The following PPME1 variants were observed in gnomAD, a reference collection of about 807,000 sequenced individuals.
PPME1 encodes the protein testicular secretory protein Li 39.
PPME1 carries 17 observed loss-of-function variants against 56.9 expected under a neutral mutation model. That is an observed-to-expected ratio of 0.30 (90% confidence interval 0.20 to 0.45). PPME1 has a LOEUF of 0.45. Among genes scored for constraint, PPME1 ranks in the 20% least tolerant of loss-of-function variants. PPME1 has a pLI of 1.00. For synonymous variants in PPME1, 122 were observed against 156.2 expected (o/e 0.78, Z 1.63); for missense variants, 357 against 483.2 (o/e 0.74, Z 2.45).
In PPME1 at chr11:74,230,886, G is replaced by T; in HGVS notation, c.554-26G>T. On this transcript the variant is annotated intron_variant, in intron 6 of 13. Transcript: ENST00000328257. The surrounding 1 kb of genome is among the most constrained non-coding windows in gnomAD (Gnocchi z 4.9). Reference sequence around the variant, plus strand: ...AATGCTCAGAATAAGTTAAATATGTGGTTACAGTTTTTGTTTAACATCCAG... The same window carrying T: ...AATGCTCAGAATAAGTTAAATATGTTGTTACAGTTTTTGTTTAACATCCAG... The T allele has an allele frequency of 6.6e-7, 1 of 1,512,208 alleles. No individual in the cohort carries two copies. The highest frequency in any genetic ancestry group is 9.1e-7 in the Non-Finnish European group (1 of 1,102,076). The allele number at this position is 1,512,208 out of a possible 1,614,324, so 93.7% of individuals were successfully genotyped here.
At chr11:74,188,715 A>G (rs1050489388) in intron 1 of PPME1, among the ~76,000 whole-genome samples, 34 of 152,256 alleles carry the variant, frequency 2.2e-4, no homozygotes, top group Non-Finnish European at 2.9e-5. Context: ...ACCATTAAAA[A>G]TAACCAACAA....
intron 9 of PPME1, among the ~76,000 whole-genome samples, chr11:74,241,744 A>T: frequency 6.6e-6 from 1 of 152,122 alleles, no homozygotes; most frequent in East Asian, 1.9e-4. Flanking sequence ...ATGACTGCTG[A>T]TATTGAGTTT....
chr11:74,175,724 T>C (rs916916559), intron 1 of PPME1, among the ~76,000 whole-genome samples: 3 of 152,166 alleles, frequency 2.0e-5, no homozygotes, highest in Non-Finnish European at 4.4e-5. Context: ...TGCCCAGCTC[T>C]GTAGTGATTT....
intron 2 of PPME1, among the ~76,000 whole-genome samples, chr11:74,204,147 T>TG (rs5792648): frequency 2.6e-4 from 29 of 112,324 alleles, no homozygotes; most frequent in African/African-American, 2.1e-3. Context: ...GCAAAGGGAA[T>TG]TTTTTTTTTT....
chr11:74,248,517 G>C (rs1224466972), intron 11 of PPME1: 1 of 152,144 alleles, frequency 6.6e-6, no homozygotes, highest in African/African-American at 2.4e-5. Flanking sequence ...ATAAAACTCT[G>C]GTCCCAGACC....
intron 3 of PPME1, among the ~76,000 whole-genome samples, chr11:74,217,876 G>C (rs1362479650): frequency 6.6e-6 from 1 of 152,104 alleles, no homozygotes; most frequent in African/African-American, 2.4e-5. Context: ...TCTGGAAAAT[G>C]GCAAGGATAC....
At chr11:74,232,953 G>A (rs1024378607) in intron 7 of PPME1, among the ~76,000 whole-genome samples, 11 of 139,896 alleles carry the variant, frequency 7.9e-5, no homozygotes, top group East Asian at 4.2e-4. Flanking sequence ...CTGCCTGCCC[G>A]CCTCGGCCTC....
At chr11:74,211,968 G>A (rs1858488707) in intron 3 of PPME1, among the ~76,000 whole-genome samples, 1 of 152,158 alleles carries the variant, frequency 6.6e-6, no homozygotes, top group Non-Finnish European at 1.5e-5. Context: ...GCCTCCACTT[G>A]TCGTCCTCCC....
At chr11:74,247,752 G>A (rs1230439173) in intron 11 of PPME1, 1 of 152,504 alleles carries the variant, frequency 6.6e-6, no homozygotes, top group Non-Finnish European at 1.5e-5. Flanking sequence ...CTCCCAGAGT[G>A]CGAAGATTAT....
intron 3 of PPME1, 23 bp downstream of exon 3, chr11:74,204,468 A>G: frequency 6.4e-7 from 1 of 1,566,856 alleles, no homozygotes; most frequent in Non-Finnish European, 8.8e-7. Flanking sequence ...TTGATAGTAC[A>G]AGTTAATGTT....
At chr11:74,203,581 A>G in intron 1 of PPME1, 147 bp from the exon 2 acceptor site, 2 of 482,450 alleles carry the variant, frequency 4.1e-6, no homozygotes, top group Non-Finnish European at 7.2e-6. Flanking sequence ...CATTTTTAAT[A>G]TGATACTTTG....
chr11:74,182,695 A>G (rs1034910129), intron 1 of PPME1, among the ~76,000 whole-genome samples: 2 of 152,202 alleles, frequency 1.3e-5, no homozygotes, highest in Admixed American at 6.5e-5. Flanking sequence ...TTGCCTGAAC[A>G]TAAGTGAACA....
At chr11:74,185,970 T>G (rs1334038219) in intron 1 of PPME1, among the ~76,000 whole-genome samples, 1 of 152,210 alleles carries the variant, frequency 6.6e-6, no homozygotes, top group African/African-American at 2.4e-5. Context: ...TGAAAGCACA[T>G]CATATATTGG....
chr11:74,214,513 C>G (rs986555785), intron 3 of PPME1, among the ~76,000 whole-genome samples: 1 of 151,852 alleles, frequency 6.6e-6, no homozygotes, highest in Non-Finnish European at 1.5e-5. Flanking sequence ...ATAAGACTAC[C>G]TCAAGGCATT....
At chr11:74,222,468 C>T in intron 4 of PPME1, 99 bp downstream of exon 4, 1 of 1,055,802 alleles carries the variant, frequency 9.5e-7, no homozygotes, top group Non-Finnish European at 1.5e-6. Context: ...CATAAAATAA[C>T]CTGGTCTATT....
intron 1 of PPME1, among the ~76,000 whole-genome samples, chr11:74,182,593 C>G (rs1857569495): frequency 6.6e-6 from 1 of 152,244 alleles, no homozygotes; most frequent in African/African-American, 2.4e-5. Context: ...CTCCTGACCT[C>G]AAGAGATCTG....
chr11:74,201,560 G>T (rs2135621046), intron 1 of PPME1, among the ~76,000 whole-genome samples: 1 of 152,318 alleles, frequency 6.6e-6, no homozygotes, highest in South Asian at 2.1e-4. Context: ...CAGAGGCTTT[G>T]GAGAGTGGCA....
At chr11:74,214,034 A>G (rs1050706436) in intron 3 of PPME1, among the ~76,000 whole-genome samples, 1 of 152,240 alleles carries the variant, frequency 6.6e-6, no homozygotes, top group African/African-American at 2.4e-5. Flanking sequence ...GAGATATGTG[A>G]CCTTTCAGAC....
intron 1 of PPME1, among the ~76,000 whole-genome samples, chr11:74,191,907 G>A (rs1020352720): frequency 6.6e-6 from 1 of 152,208 alleles, no homozygotes; most frequent in African/African-American, 2.4e-5. Flanking sequence ...ACTTTGCTAG[G>A]GCAATGCTGA....
Sources: allele counts gnomAD v4.1 joint callset (sites outside exome capture counted in the v4.1 genomes callset), GRCh38; gene constraint gnomAD v4.1.1; non-coding constraint Gnocchi (gnomAD v3.1); transcripts MANE v1.5; gene names NCBI Gene and HGNC (gene_info 2026-07-23, HGNC 2026-07-21).